NCKAP5: variants seen among roughly 807,000 people sequenced by gnomAD.
NCKAP5 encodes the protein NCK associated protein 5, also known as nck-associated protein 5.
Under a neutral mutation model 167.0 loss-of-function variants are expected in NCKAP5, and 92 were observed. The ratio of observed to expected loss-of-function variants is 0.55; its 90% confidence interval spans 0.47 to 0.66. The LOEUF (loss-of-function observed/expected upper bound fraction) is 0.66, where lower values mean the gene tolerates loss of function less well. NCKAP5 is among the 30% of genes least tolerant of loss of function. NCKAP5 has a pLI of 0.00. For missense variants in NCKAP5, 2,378 were observed against 2,315.0 expected (o/e 1.03, Z -0.56); for synonymous variants, 891 against 877.4 (o/e 1.02, Z -0.27).
rs552042388 is a variant in NCKAP5, at chr2:133,020,903, C to T, written c.342-26664G>A. Reference sequence around the variant, plus strand: ...GGGACAGGGAAGAATAAGAGCGGAGCCCATGGAGTGGAAGGTGTCAGGGAA... The same window carrying T: ...GGGACAGGGAAGAATAAGAGCGGAGTCCATGGAGTGGAAGGTGTCAGGGAA... On this transcript the variant is annotated intron_variant, in intron 6 of 19. Transcript: ENST00000409261. 3.3e-5 allele frequency among the ~76,000 whole-genome samples: 5 copies of T among 152,216 alleles called. No homozygotes were observed. The South Asian group carries it at 1.0e-3, about 32-fold the overall frequency.
At chr2:133,453,297 C>T (rs1198681047) in intron 3 of NCKAP5, among the ~76,000 whole-genome samples, 1 of 152,134 alleles carries the variant, frequency 6.6e-6, no homozygotes, top group Non-Finnish European at 1.5e-5. Flanking sequence ...TATAGAACCA[C>T]TGAATAAAGA....
At chr2:133,201,216 A>G (rs1205493693) in intron 5 of NCKAP5, among the ~76,000 whole-genome samples, 3 of 152,178 alleles carry the variant, frequency 2.0e-5, no homozygotes, top group East Asian at 1.9e-4. Context: ...AATGACTCAC[A>G]TCGTCAGACA....
chr2:133,473,054 C>T (rs1679491000), intron 3 of NCKAP5, among the ~76,000 whole-genome samples: 1 of 152,152 alleles, frequency 6.6e-6, no homozygotes, highest in Non-Finnish European at 1.5e-5. Flanking sequence ...TTAGTTAGGG[C>T]CGGGCGCGAT....
intron 9 of NCKAP5, among the ~76,000 whole-genome samples, chr2:132,873,424 T>C (rs1320051889): frequency 6.6e-6 from 1 of 152,218 alleles, no homozygotes; most frequent in Non-Finnish European, 1.5e-5. Context: ...AAAAAATGTT[T>C]TTTAAGAATA....
intron 3 of NCKAP5, among the ~76,000 whole-genome samples, chr2:133,516,820 C>A (rs774779081): frequency 1.3e-5 from 2 of 152,134 alleles, no homozygotes; most frequent in African/African-American, 2.4e-5. Flanking sequence ...ACACGCATTG[C>A]GTAACAGAAA....
chr2:133,515,360 C>T (rs1385637193), intron 3 of NCKAP5, among the ~76,000 whole-genome samples: 1 of 152,158 alleles, frequency 6.6e-6, no homozygotes, highest in Admixed American at 6.5e-5. Flanking sequence ...AAGCACCCCC[C>T]TACACACTGT....
At chr2:133,586,521 G>A in the NCKAP5 span, among the ~76,000 whole-genome samples, 1 of 152,094 alleles carries the variant, frequency 6.6e-6, no homozygotes, top group Admixed American at 6.6e-5. Context: ...GAGGTAACAG[G>A]TCATCGCTCA....
intron 3 of NCKAP5, among the ~76,000 whole-genome samples, chr2:133,435,652 C>CA: frequency 6.6e-6 from 1 of 152,200 alleles, no homozygotes; most frequent in African/African-American, 2.4e-5. Flanking sequence ...TGCTGGCCTA[C>CA]AAAGGTTTTA....
intron 19 of NCKAP5, among the ~76,000 whole-genome samples, chr2:132,675,848 A>AG (rs1684381649): frequency 6.6e-6 from 1 of 152,268 alleles, no homozygotes; most frequent in Admixed American, 6.5e-5. Flanking sequence ...ATTTAAAAAA[A>AG]AAAAAAAGCA....
intron 18 of NCKAP5, 64 bp downstream of exon 18, chr2:132,728,752 G>A (rs886708583): frequency 1.3e-6 from 2 of 1,568,414 alleles, no homozygotes; most frequent in Non-Finnish European, 1.7e-6. Flanking sequence ...GTGTTTTTAG[G>A]GTACACTTTT....
intron 6 of NCKAP5, among the ~76,000 whole-genome samples, chr2:133,094,139 C>T (rs892441192): frequency 3.3e-5 from 5 of 152,188 alleles, no homozygotes; most frequent in Non-Finnish European, 7.3e-5. Context: ...CTGTGTGGCT[C>T]TAAAGGCACC....
At chr2:133,587,516 A>T in the NCKAP5 span, among the ~76,000 whole-genome samples, 1 of 152,226 alleles carries the variant, frequency 6.6e-6, no homozygotes, top group African/African-American at 2.4e-5. Flanking sequence ...ACAGAAAAGT[A>T]TTTATGTTTT....
intron 15 of NCKAP5, among the ~76,000 whole-genome samples, 172 bp downstream of exon 15, chr2:132,780,880 C>T (rs1558760145): frequency 6.6e-6 from 1 of 152,220 alleles, no homozygotes; most frequent in Non-Finnish European, 1.5e-5. Flanking sequence ...CAGCTCTCTG[C>T]TGCAGTTGTC....
intron 2 of NCKAP5, among the ~76,000 whole-genome samples, chr2:133,519,552 G>C (rs1458543801): frequency 6.6e-6 from 1 of 152,134 alleles, no homozygotes; most frequent in Non-Finnish European, 1.5e-5. Context: ...GAACCAGCTA[G>C]AGACTACTCT....
intron 19 of NCKAP5, among the ~76,000 whole-genome samples, chr2:132,707,751 C>A (rs1037653620): frequency 6.6e-6 from 1 of 152,114 alleles, no homozygotes; most frequent in Non-Finnish European, 1.5e-5. Flanking sequence ...CCCAGAAGAT[C>A]CTAGAATATG....
chr2:132,859,145 T>C (rs1233211417), intron 11 of NCKAP5, among the ~76,000 whole-genome samples: 1 of 152,178 alleles, frequency 6.6e-6, no homozygotes, highest in Non-Finnish European at 1.5e-5. Flanking sequence ...TTTTGAGTCA[T>C]AAATTATGAA....
chr2:132,824,512 G>A (rs1196344464), intron 11 of NCKAP5, among the ~76,000 whole-genome samples: 4 of 152,314 alleles, frequency 2.6e-5, no homozygotes, highest in Middle Eastern at 3.4e-3. Context: ...AAAGGAGGCT[G>A]AGAAATAGCA....
intron 8 of NCKAP5, among the ~76,000 whole-genome samples, chr2:132,883,629 C>A (rs1485106175): frequency 6.6e-6 from 1 of 152,222 alleles, no homozygotes; most frequent in East Asian, 1.9e-4. Flanking sequence ...CTGGATCTGC[C>A]ACGTGTCCAC....
At chr2:133,266,029 T>C (rs1328684963) in intron 4 of NCKAP5, among the ~76,000 whole-genome samples, 1 of 152,146 alleles carries the variant, frequency 6.6e-6, no homozygotes, top group Non-Finnish European at 1.5e-5. Context: ...CTCTGGAAGA[T>C]GCCAACGTGG....
Sources: allele counts gnomAD v4.1 joint callset (sites outside exome capture counted in the v4.1 genomes callset), GRCh38; gene constraint gnomAD v4.1.1; transcripts MANE v1.5; gene names NCBI Gene and HGNC (gene_info 2026-07-23, HGNC 2026-07-21).